Variants in SLCO1A2 observed in about 807,000 individuals in gnomAD.
SLCO1A2 encodes the protein solute carrier organic anion transporter family member 1A2, also known as OATP-1.
In SLCO1A2, 67 loss-of-function variants were observed where a neutral mutation model predicts 69.0. The ratio of observed to expected loss-of-function variants is 0.97; its 90% CI spans 0.80 to 1.19. SLCO1A2 has a LOEUF of 1.19. SLCO1A2 is among the 50% of genes most tolerant of loss of function. SLCO1A2 has a pLI of 0.00. For synonymous variants in SLCO1A2, 260 were observed against 265.9 expected (o/e 0.98, Z 0.22); for missense variants, 787 against 793.7 (o/e 0.99, Z 0.10).
chr12:21,363,643 C>A (rs1056401819), intron 2 of SLCO1A2, among the ~76,000 whole-genome samples: 2 of 152,096 alleles, frequency 1.3e-5, no homozygotes, highest in Non-Finnish European at 2.9e-5. Flanking sequence ...AATTGATAGA[C>A]TGCTAGCAAG....
chr12:21,408,221 T>A (rs1229367957), intron 1 of SLCO1A2, among the ~76,000 whole-genome samples: 2 of 152,204 alleles, frequency 1.3e-5, no homozygotes, highest in Non-Finnish European at 2.9e-5. Flanking sequence ...AACGAATTTA[T>A]TAACCATGCA....
intron 8 of SLCO1A2, 45 bp downstream of exon 8, chr12:21,300,303 G>T: frequency 1.5e-6 from 2 of 1,360,908 alleles, no homozygotes; most frequent in South Asian, 1.3e-5. Context: ...ATATCTATAT[G>T]AAATAAAAGG....
upstream of SLCO1A2, among the ~76,000 whole-genome samples, chr12:21,336,691 C>G (rs1023168762): frequency 6.6e-6 from 1 of 151,950 alleles, no homozygotes; most frequent in Non-Finnish European, 1.5e-5. Flanking sequence ...TAAAATCCAA[C>G]GGTTAATATC....
chr12:21,286,220 C>A, intron 12 of SLCO1A2, among the ~76,000 whole-genome samples: 2 of 134,972 alleles, frequency 1.5e-5, no homozygotes, highest in African/African-American at 2.8e-5. Flanking sequence ...CAACAACAGA[C>A]AAACAGAGAG....
At chr12:21,282,406 C>T (rs75016301) in intron 12 of SLCO1A2, among the ~76,000 whole-genome samples, 1 of 149,658 alleles carries the variant, frequency 6.7e-6, no homozygotes, top group African/African-American at 2.5e-5. Flanking sequence ...AAAAAAAAAA[C>T]TCTCAAAAAA....
chr12:21,380,492 T>G (rs1222755852), intron 1 of SLCO1A2, among the ~76,000 whole-genome samples: 1 of 152,236 alleles, frequency 6.6e-6, no homozygotes, highest in East Asian at 1.9e-4. Context: ...AGTTTATTCA[T>G]TCAATTTCTT....
intron 11 of SLCO1A2, among the ~76,000 whole-genome samples, 197 bp from the exon 12 acceptor site, chr12:21,292,533 A>T (rs1004555536): frequency 1.3e-5 from 2 of 152,192 alleles, no homozygotes; most frequent in Non-Finnish European, 2.9e-5. Context: ...TTTTCTAAAT[A>T]TGAATAGTAA....
At chr12:21,338,792 CAT>C, upstream of SLCO1A2, among the ~76,000 whole-genome samples, 1 of 151,878 alleles carries the variant, frequency 6.6e-6, no homozygotes, top group East Asian at 1.9e-4. Context: ...TCCTTTTTCT[CAT>C]AGAGACAAGA....
At chr12:21,279,977 T>TA in intron 12 of SLCO1A2, among the ~76,000 whole-genome samples, 1 of 151,678 alleles carries the variant, frequency 6.6e-6, no homozygotes, top group Middle Eastern at 3.4e-3. Context: ...GTTTTTTTTT[T>TA]AGTTTTCTTT....
At chr12:21,311,508 T>C (rs1018595181) in intron 4 of SLCO1A2, 5 of 151,850 alleles carry the variant, frequency 3.3e-5, no homozygotes, top group African/African-American at 9.7e-5. Context: ...GGCCACACAA[T>C]GGATGTTGTG....
upstream of SLCO1A2, among the ~76,000 whole-genome samples, chr12:21,397,587 A>G (rs1941519961): frequency 6.6e-6 from 1 of 152,058 alleles, no homozygotes; most frequent in African/African-American, 2.4e-5. Flanking sequence ...TCAGCACCAC[A>G]CCACACCTAT....
intron 4 of SLCO1A2, among the ~76,000 whole-genome samples, chr12:21,312,778 C>T (rs1410213474): frequency 2.0e-5 from 3 of 152,072 alleles, no homozygotes; most frequent in Non-Finnish European, 4.4e-5. Context: ...TTGTTGATTA[C>T]ATTCACCATC....
At chr12:21,374,743 ATACT>A (rs1940064048) in intron 1 of SLCO1A2, among the ~76,000 whole-genome samples, 1 of 152,142 alleles carries the variant, frequency 6.6e-6, no homozygotes, top group Non-Finnish European at 1.5e-5. Context: ...TTATATCTTG[ATACT>A]TTCTTTCAAT....
At chr12:21,349,164 C>T (rs920724030) in intron 2 of SLCO1A2, among the ~76,000 whole-genome samples, 2 of 152,064 alleles carry the variant, frequency 1.3e-5, no homozygotes, top group Non-Finnish European at 2.9e-5. Flanking sequence ...TTACAAGAGT[C>T]ACCTCTGGCC....
At chr12:21,358,678 TGAAAA>T (rs1043480126) in intron 2 of SLCO1A2, among the ~76,000 whole-genome samples, 7 of 151,872 alleles carry the variant, frequency 4.6e-5, no homozygotes, top group Admixed American at 6.6e-5. Flanking sequence ...CTTTGAAACA[TGAAAA>T]GAAGTCTACA....
intron 2 of SLCO1A2, among the ~76,000 whole-genome samples, chr12:21,342,938 G>A (rs1175094164): frequency 6.6e-6 from 1 of 152,000 alleles, no homozygotes; most frequent in Non-Finnish European, 1.5e-5. Flanking sequence ...AGGGGGAAAA[G>A]TACACTCAAT....
At chr12:21,327,051 G>GA (rs908796423) in intron 2 of SLCO1A2, among the ~76,000 whole-genome samples, 13 of 151,780 alleles carry the variant, frequency 8.6e-5, no homozygotes, top group Non-Finnish European at 1.5e-4. Context: ...GGCCTAGGAG[G>GA]AAAAAAAATG....
At chr12:21,321,663 G>A (rs181447872) in intron 2 of SLCO1A2, among the ~76,000 whole-genome samples, 1 of 152,222 alleles carries the variant, frequency 6.6e-6, no homozygotes, top group East Asian at 1.9e-4. Flanking sequence ...CCATTTTATA[G>A]GTCAGTGCTT....
intron 2 of SLCO1A2, among the ~76,000 whole-genome samples, chr12:21,325,079 C>T (rs979074111): frequency 6.6e-6 from 1 of 152,162 alleles, no homozygotes; most frequent in Non-Finnish European, 1.5e-5. Context: ...CAGTCTTTTA[C>T]CATAAGCCCT....
Sources: gnomAD v4.1 joint callset for allele counts (sites outside exome capture counted in the v4.1 genomes callset) on GRCh38, gnomAD v4.1.1 for gene constraint, MANE v1.5 for transcripts, NCBI Gene and HGNC (gene_info 2026-07-23, HGNC 2026-07-21) for gene names.